NEGR1: variants seen among roughly 807,000 people sequenced by gnomAD.
NEGR1 encodes IgLON family member 4.
In NEGR1, 10 loss-of-function variants were observed where a neutral mutation model predicts 40.9. The observed-to-expected ratio is 0.24, with a 90% confidence interval of 0.15 to 0.42. The LOEUF (loss-of-function observed/expected upper bound fraction) is 0.42. NEGR1 is among the 10% of genes least tolerant of loss of function. The pLI is 1.00. For synonymous variants in NEGR1, 185 were observed against 166.8 expected, an observed-to-expected ratio of 1.11 and a Z score of -0.84; for missense variants, 352 against 438.9, an observed-to-expected ratio of 0.80 and a Z score of 1.77.
intron 1 of NEGR1, among the ~76,000 whole-genome samples, chr1:72,039,633 T>TA (rs1646934757): frequency 1.3e-5 from 2 of 152,024 alleles, no homozygotes; most frequent in Admixed American, 6.6e-5. Context: ...TTGGAGTTTT[T>TA]ACTATGCAGA....
chr1:71,455,372 C>A (rs181901416), intron 6 of NEGR1, among the ~76,000 whole-genome samples: 1 of 152,166 alleles, frequency 6.6e-6, no homozygotes, highest in Admixed American at 6.5e-5. Context: ...AGTCTAATAT[C>A]ATTAAGCAGC....
At chr1:71,424,480 TACTC>T (rs903644925) in intron 6 of NEGR1, among the ~76,000 whole-genome samples, 1 of 152,200 alleles carries the variant, frequency 6.6e-6, no homozygotes, top group Non-Finnish European at 1.5e-5. Context: ...ATCCCCTGGT[TACTC>T]AGTCAAGCAC....
intron 6 of NEGR1, among the ~76,000 whole-genome samples, chr1:71,501,090 T>C (rs113358032): frequency 0.024 from 3,595 of 152,082 alleles, 64 homozygotes; most frequent in African/African-American, 0.04. Context: ...GACATTAATA[T>C]GCAAATAAGA....
At chr1:72,020,268 T>C (rs1418211358) in intron 1 of NEGR1, among the ~76,000 whole-genome samples, 3 of 152,144 alleles carry the variant, frequency 2.0e-5, no homozygotes, top group Non-Finnish European at 4.4e-5. Context: ...TCCTGAACAC[T>C]TGCTTATCTG....
At chr1:71,519,753 AAAC>A (rs1439217372) in intron 6 of NEGR1, among the ~76,000 whole-genome samples, 128 of 150,618 alleles carry the variant, frequency 8.5e-4, no homozygotes, top group African/African-American at 3.1e-3. Flanking sequence ...AATTAAAAAA[AAAC>A]AAAAAAAGAT....
At chr1:71,812,259 G>A (rs543856411) in intron 2 of NEGR1, among the ~76,000 whole-genome samples, 8 of 152,132 alleles carry the variant, frequency 5.3e-5, no homozygotes, top group African/African-American at 1.9e-4. Context: ...AGTATTCCAT[G>A]GTATATATGT....
chr1:72,255,002 T>C (rs1037371149), intron 1 of NEGR1, among the ~76,000 whole-genome samples: 5 of 152,210 alleles, frequency 3.3e-5, no homozygotes, highest in African/African-American at 1.2e-4. Flanking sequence ...TTGTTCTTTA[T>C]GTGTTTTCCA....
chr1:72,126,088 A>AGTGTGT (rs72096511), intron 1 of NEGR1, among the ~76,000 whole-genome samples: 16,664 of 128,990 alleles, frequency 0.13, 1,192 homozygotes, highest in Admixed American at 0.17. Context: ...ATTAGAGAAA[A>AGTGTGT]GTATGTGTGT....
At chr1:72,160,140 T>C (rs937752980) in intron 1 of NEGR1, among the ~76,000 whole-genome samples, 2 of 152,160 alleles carry the variant, frequency 1.3e-5, no homozygotes, top group East Asian at 1.9e-4. Flanking sequence ...TAGTTCATTA[T>C]ACAGCAGAAC....
intron 1 of NEGR1, among the ~76,000 whole-genome samples, chr1:71,969,815 A>T (rs1321203823): frequency 6.6e-6 from 1 of 152,232 alleles, no homozygotes; most frequent in Non-Finnish European, 1.5e-5. Flanking sequence ...TTTGGAAATA[A>T]GATGATGACA....
chr1:72,201,506 C>T (rs968495142), intron 1 of NEGR1, among the ~76,000 whole-genome samples: 1 of 151,636 alleles, frequency 6.6e-6, no homozygotes, highest in African/African-American at 2.4e-5. Context: ...GTACTCTTAA[C>T]AATGCACGTA....
intron 6 of NEGR1, among the ~76,000 whole-genome samples, chr1:71,481,332 A>G (rs1233319822): frequency 2.6e-5 from 4 of 151,920 alleles, no homozygotes; most frequent in South Asian, 2.1e-4. Flanking sequence ...ACACTTTTAA[A>G]AACTGTGATC....
At chr1:72,078,341 ACTGT>A (rs751754194) in intron 1 of NEGR1, among the ~76,000 whole-genome samples, 7 of 152,152 alleles carry the variant, frequency 4.6e-5, no homozygotes, top group Non-Finnish European at 8.8e-5. Context: ...TTCTGAACAC[ACTGT>A]CTTTCAACCT....
At chr1:71,739,644 GT>G (rs1655154000) in intron 3 of NEGR1, among the ~76,000 whole-genome samples, 1 of 151,792 alleles carries the variant, frequency 6.6e-6, no homozygotes, top group African/African-American at 2.4e-5. Context: ...AAAAATAAAA[GT>G]TTACTTTCAT....
intron 6 of NEGR1, among the ~76,000 whole-genome samples, chr1:71,532,226 C>T (rs1273190090): frequency 1.3e-5 from 2 of 151,528 alleles, no homozygotes; most frequent in Admixed American, 6.6e-5. Context: ...GCTTTTATCT[C>T]GATTTCATGT....
intron 1 of NEGR1, among the ~76,000 whole-genome samples, chr1:72,209,360 T>A (rs1218364346): frequency 6.6e-6 from 1 of 151,738 alleles, no homozygotes; most frequent in East Asian, 1.9e-4. Context: ...CACCAAATTA[T>A]ATTTCTAATA....
intron 2 of NEGR1, among the ~76,000 whole-genome samples, chr1:71,883,959 A>C: frequency 6.6e-6 from 1 of 151,888 alleles, no homozygotes; most frequent in East Asian, 1.9e-4. Context: ...GATATGAATA[A>C]ATGGAAGAGT....
intron 6 of NEGR1, among the ~76,000 whole-genome samples, chr1:71,413,492 A>G (rs1003514739): frequency 2.0e-5 from 3 of 152,134 alleles, no homozygotes; most frequent in Non-Finnish European, 2.9e-5. Context: ...TTAATTCTCT[A>G]TATTTTCTTG....
rs530685340 is a variant in NEGR1, at chr1:71,492,838, G to A, written c.941-85268C>T. Among the ~76,000 whole-genome samples, 4 of 152,034 alleles carry A rather than the reference G, an allele frequency of 2.6e-5. No individual in the cohort carries two copies. In the South Asian group the frequency reaches 6.2e-4, roughly 24 times the overall value. On this transcript the variant is annotated intron_variant, in intron 6 of 6. Coordinates refer to ENST00000357731, the MANE Select transcript of NEGR1 (RefSeq NM_173808.3). ...ACAAAAATATGTAAAAAATGAAAAC[G>A]AAAGTAGCTTGCCTCTCACCATAGT...
Sources: gnomAD v4.1 joint callset for allele counts (sites outside exome capture counted in the v4.1 genomes callset) on GRCh38, gnomAD v4.1.1 for gene constraint, MANE v1.5 for transcripts, NCBI Gene and HGNC (gene_info 2026-07-23, HGNC 2026-07-21) for gene names.